Variants in PAX7 observed in about 807,000 individuals in gnomAD.
PAX7 encodes paired box protein Pax-7.
A neutral mutation model predicts 50.7 loss-of-function variants in PAX7; 18 were observed. The observed-to-expected ratio is 0.36, with a 90% CI of 0.25 to 0.53. The LOEUF (loss-of-function observed/expected upper bound fraction) is 0.53. PAX7 is among the 20% of genes least tolerant of loss of function. The pLI, the probability that PAX7 is intolerant of heterozygous loss-of-function variation, is 0.93. For missense variants in PAX7, 644 were observed against 702.9 expected (o/e 0.92, Z 0.95); for synonymous variants, 310 against 290.4 (o/e 1.07, Z -0.69).
chr1:18,704,334 T>C (rs1187398521), intron 7 of PAX7, among the ~76,000 whole-genome samples: 1 of 152,154 alleles, frequency 6.6e-6, no homozygotes, highest in Non-Finnish European at 1.5e-5. Context: ...AAAGAGATCA[T>C]ATAAGGCCGA....
chr1:18,634,176 A>T lies in PAX7; in HGVS notation c.86-127A>T, dbSNP rs972747032. On this transcript the variant is annotated intron_variant, in intron 1 of 8. Coordinates refer to ENST00000420770, the MANE Select transcript of PAX7 (RefSeq NM_001135254.2). This position sits in a 1 kb window ranked among gnomAD's most constrained non-coding sequence, Gnocchi z 4.0. ...CTACCGAAGCCCCAGTGTGAGGACCACCGGGATTGCTGTCTGAGGTCTTGG... is the reference window on the plus strand; with the variant it reads ...CTACCGAAGCCCCAGTGTGAGGACCTCCGGGATTGCTGTCTGAGGTCTTGG... The T allele has an allele frequency of 7.3e-6, 5 of 682,812 alleles. No individual in the cohort carries two copies. In the African/African-American group the frequency reaches 8.9e-5, roughly 12 times the overall value. 42.3% of individuals were successfully genotyped at this position (682,812 alleles called of 1,614,324 possible).
intron 4 of PAX7, among the ~76,000 whole-genome samples, chr1:18,646,118 G>C (rs1447868075): frequency 6.6e-6 from 1 of 152,162 alleles, no homozygotes; most frequent in Non-Finnish European, 1.5e-5. Flanking sequence ...ATGCCCACCC[G>C]TTCTACCTTT....
intron 7 of PAX7, among the ~76,000 whole-genome samples, chr1:18,734,022 C>T (rs1317971621): frequency 6.6e-6 from 1 of 152,294 alleles, no homozygotes; most frequent in South Asian, 2.1e-4. Context: ...AGCTGGTAAA[C>T]GGAGGAGCTC....
At chr1:18,690,028 G>C (rs545793) in intron 4 of PAX7, among the ~76,000 whole-genome samples, 105,306 of 151,976 alleles carry the variant, frequency 0.69, 36,777 homozygotes, top group Middle Eastern at 0.77. Context: ...TACCTTTCTG[G>C]GACTCAGCTT....
chr1:18,736,068 A>T, intron 8 of PAX7, 190 bp downstream of exon 8: 1 of 1,103,222 alleles, frequency 9.1e-7, no homozygotes, highest in Non-Finnish European at 1.3e-6. Flanking sequence ...AAAACCCAGG[A>T]CATCTCCTGG....
rs1211825694 is a variant in PAX7, at chr1:18,726,598, GC to G, written c.1156-9033del. On this transcript the variant is annotated intron_variant, in intron 7 of 8. Transcript: ENST00000420770. This position sits in a 1 kb window ranked among gnomAD's most constrained non-coding sequence, Gnocchi z 4.8. The stretch of plus-strand genomic sequence containing the variant: ...AGGGTGAGGCTCAGTCTGTTCCCAG[GC>G]AGAGGGTTGGGCCTTAGTGGGACTG... 6.6e-6 allele frequency among the ~76,000 whole-genome samples: 1 copy of G among 152,134 alleles called. No individual in the cohort carries two copies. The highest frequency in any genetic ancestry group is 1.9e-4 in the East Asian group (1 of 5,180).
intron 4 of PAX7, among the ~76,000 whole-genome samples, chr1:18,646,276 G>A (rs2088336428): frequency 7.4e-6 from 1 of 134,862 alleles, no homozygotes. Flanking sequence ...ATTAGGTTCT[G>A]GTTGGGACTT....
At chr1:18,661,059 C>G (rs913789779) in intron 4 of PAX7, among the ~76,000 whole-genome samples, 1 of 151,940 alleles carries the variant, frequency 6.6e-6, no homozygotes, top group African/African-American at 2.4e-5. Flanking sequence ...AGGGAGGGGG[C>G]CAAAGCATGG....
intron 7 of PAX7, among the ~76,000 whole-genome samples, chr1:18,716,748 C>CCAT (rs1291961965): frequency 6.6e-6 from 1 of 151,974 alleles, no homozygotes; most frequent in African/African-American, 2.4e-5. Context: ...TCGCCTCTAC[C>CCAT]CATTCTCTTC....
At chr1:18,668,566 T>C (rs747312447) in intron 4 of PAX7, among the ~76,000 whole-genome samples, 3 of 152,218 alleles carry the variant, frequency 2.0e-5, no homozygotes, top group Non-Finnish European at 4.4e-5. Context: ...TAGCTGGGCA[T>C]GGTGGCATGT....
At chr1:18,696,583 C>T (rs2089152998) in intron 5 of PAX7, among the ~76,000 whole-genome samples, 1 of 152,168 alleles carries the variant, frequency 6.6e-6, no homozygotes, top group Non-Finnish European at 1.5e-5. Flanking sequence ...GAATGAGATC[C>T]TGTCGTTTGC....
chr1:18,671,450 G>A (rs2088747376), intron 4 of PAX7, among the ~76,000 whole-genome samples: 1 of 152,222 alleles, frequency 6.6e-6, no homozygotes, highest in Non-Finnish European at 1.5e-5. Context: ...TAATTAGAGG[G>A]CAGACAGCCG....
At chr1:18,721,193 C>A (rs1357887272) in intron 7 of PAX7, among the ~76,000 whole-genome samples, 1 of 152,158 alleles carries the variant, frequency 6.6e-6, no homozygotes, top group African/African-American at 2.4e-5. Context: ...ACCCCAGATG[C>A]CCTGGCCTCC....
chr1:18,675,128 C>T lies in PAX7; in HGVS notation c.587-16626C>T, dbSNP rs1570155185. ...CTTTTTGAGTGTTTGAAAGAGTCCTCTTCCCACGAGATGATTGTGAGGGTT... is the reference window on the plus strand; with the variant it reads ...CTTTTTGAGTGTTTGAAAGAGTCCTTTTCCCACGAGATGATTGTGAGGGTT... On this transcript the variant is annotated intron_variant, in intron 4 of 8. Transcript: ENST00000420770. Among the ~76,000 whole-genome samples, 3 of 152,156 alleles carry T rather than the reference C, an allele frequency of 2.0e-5. No homozygotes were observed. In the East Asian group the frequency reaches 5.8e-4, roughly 29 times the overall value.
chr1:18,640,795 G>T (rs1362473053), intron 4 of PAX7, among the ~76,000 whole-genome samples: 1 of 149,270 alleles, frequency 6.7e-6, no homozygotes, highest in Non-Finnish European at 1.5e-5. Context: ...TATCCAGTGC[G>T]ACCAGAGGGA....
chr1:18,711,368 C>A (rs1259401670), intron 7 of PAX7, among the ~76,000 whole-genome samples: 2 of 152,122 alleles, frequency 1.3e-5, no homozygotes, highest in African/African-American at 2.4e-5. Flanking sequence ...CCTCGTCACA[C>A]CCCCCTCACC....
In PAX7 at chr1:18,744,886, C is replaced by T. The variant is rs1055044007; in HGVS notation, c.1475C>T (p.Ala492Val). 1.9e-6 allele frequency: 3 copies of T among 1,556,300 alleles called. No homozygotes were observed. Among genetic ancestry groups the T allele is most frequent in the East Asian group, 4.8e-5 (2 of 41,286 alleles). The change falls in exon 9 of 9, where the codon GCT (alanine) becomes GTT (valine). Residue 492 changes from alanine (A) to valine (V), a missense_variant. Transcript: ENST00000420770. ...CGCATGAAGCTCGGGGAGCACTCTG[C>T]TGTGCTGGGACTCCTGCCTGTGGAA... ...QRRMKLGEHS[A>V]VLGLLPVETG...
intron 7 of PAX7, among the ~76,000 whole-genome samples, chr1:18,733,498 G>A (rs767122167): frequency 6.6e-6 from 1 of 152,168 alleles, no homozygotes; most frequent in Non-Finnish European, 1.5e-5. Context: ...AATCTCCCCA[G>A]CTGTGTGGAG....
chr1:18,631,716 C>T (rs1232347361), intron 1 of PAX7, 28 bp downstream of exon 1: 14 of 1,574,374 alleles, frequency 8.9e-6, no homozygotes, highest in Non-Finnish European at 1.2e-5. Flanking sequence ...GGCCTCGCCG[C>T]GACTCCGCCG....
Sources: gnomAD v4.1 joint callset for allele counts (sites outside exome capture counted in the v4.1 genomes callset) on GRCh38, gnomAD v4.1.1 for gene constraint, Gnocchi (gnomAD v3.1) non-coding constraint, MANE v1.5 for transcripts, NCBI Gene and HGNC (gene_info 2026-07-23, HGNC 2026-07-21) for gene names.